MAST2: variants seen among roughly 807,000 people sequenced by gnomAD.
MAST2 encodes the protein microtubule associated serine/threonine kinase 2, also known as microtubule-associated serine/threonine-protein kinase 2.
In MAST2, 70 loss-of-function variants were observed where a neutral mutation model predicts 147.4. The ratio of observed to expected loss-of-function variants is 0.47; its 90% CI spans 0.39 to 0.58. The LOEUF (loss-of-function observed/expected upper bound fraction) is 0.58. Among genes scored for constraint, MAST2 ranks in the 20% least tolerant of loss-of-function variants. MAST2 has a pLI of 0.00. For missense variants in MAST2, 2,080 were observed against 2,302.3 expected (o/e 0.90, Z 1.98); for synonymous variants, 869 against 896.8 (o/e 0.97, Z 0.55).
chr1:45,996,016 C>G (rs140026490), intron 5 of MAST2, among the ~76,000 whole-genome samples: 7 of 151,726 alleles, frequency 4.6e-5, no homozygotes, highest in Non-Finnish European at 1.0e-4. Flanking sequence ...TCTGTATCCC[C>G]TGCTCTCCCC....
chr1:45,819,797 A>G (rs1056342272), intron 1 of MAST2, among the ~76,000 whole-genome samples: 5 of 152,212 alleles, frequency 3.3e-5, no homozygotes, highest in Admixed American at 6.5e-5. Flanking sequence ...AATACAATCC[A>G]TATTCAAAAT....
At chr1:45,988,504 CAG>C (rs1295033231) in intron 5 of MAST2, among the ~76,000 whole-genome samples, 8 of 152,132 alleles carry the variant, frequency 5.3e-5, no homozygotes, top group Non-Finnish European at 7.3e-5. Flanking sequence ...TTTTATGACT[CAG>C]AGTGTGATCT....
At chr1:46,030,517 T>C in intron 21 of MAST2, 90 bp from the exon 22 acceptor site, 3 of 1,460,276 alleles carry the variant, frequency 2.1e-6, no homozygotes, top group Non-Finnish European at 2.7e-6. Context: ...CTGGTTCAAA[T>C]TCCTAGGTTT....
intron 4 of MAST2, among the ~76,000 whole-genome samples, chr1:45,906,987 T>C (rs1650863809): frequency 6.6e-6 from 1 of 152,194 alleles, no homozygotes; most frequent in Admixed American, 6.5e-5. Flanking sequence ...TGCAGTAACA[T>C]GCTATACAGG....
At chr1:45,986,649 G>A (rs941696306) in intron 5 of MAST2, among the ~76,000 whole-genome samples, 2 of 150,364 alleles carry the variant, frequency 1.3e-5, no homozygotes, top group African/African-American at 2.4e-5. Flanking sequence ...CCTGGGAGGC[G>A]GAGCTTGCAG....
chr1:45,947,626 G>C (rs1163509325), intron 4 of MAST2, among the ~76,000 whole-genome samples: 2 of 152,150 alleles, frequency 1.3e-5, no homozygotes, highest in Non-Finnish European at 2.9e-5. Flanking sequence ...AGAAATAAAG[G>C]GTACCCAAAT....
At chr1:45,949,870 A>G (rs1436530223) in intron 4 of MAST2, among the ~76,000 whole-genome samples, 3 of 152,232 alleles carry the variant, frequency 2.0e-5, no homozygotes, top group Non-Finnish European at 2.9e-5. Context: ...CATATATACC[A>G]TGGAATGTTA....
intron 4 of MAST2, among the ~76,000 whole-genome samples, chr1:45,937,805 C>G (rs1334120213): frequency 6.9e-6 from 1 of 144,102 alleles, no homozygotes; most frequent in Non-Finnish European, 1.5e-5. Flanking sequence ...AGCAATTCAA[C>G]GTAAGCGATT....
At chr1:45,957,549 A>T (rs1200179776) in intron 4 of MAST2, among the ~76,000 whole-genome samples, 4 of 152,244 alleles carry the variant, frequency 2.6e-5, no homozygotes, top group South Asian at 4.1e-4. Flanking sequence ...GTAGCCATGA[A>T]CCCCTGGAGT....
intron 5 of MAST2, among the ~76,000 whole-genome samples, chr1:45,992,969 A>G (rs1644907894): frequency 6.6e-6 from 1 of 152,016 alleles, no homozygotes; most frequent in South Asian, 2.1e-4. Context: ...TTTATAGTGT[A>G]TATCTTTAAC....
At chr1:45,998,522 C>A (rs1434196582) in intron 6 of MAST2, among the ~76,000 whole-genome samples, 1 of 152,224 alleles carries the variant, frequency 6.6e-6, no homozygotes, top group Non-Finnish European at 1.5e-5. Flanking sequence ...GCTCTATACA[C>A]ACATGATTTC....
chr1:45,943,266 T>A (rs1657573059), intron 4 of MAST2, among the ~76,000 whole-genome samples: 1 of 152,224 alleles, frequency 6.6e-6, no homozygotes, highest in East Asian at 1.9e-4. Context: ...TTGATTGTCA[T>A]GCTCATCACT....
intron 4 of MAST2, among the ~76,000 whole-genome samples, chr1:45,924,008 A>C (rs1053909809): frequency 1.3e-5 from 2 of 152,080 alleles, no homozygotes; most frequent in Non-Finnish European, 2.9e-5. Context: ...AGTAGCTGGG[A>C]TTACAGACAC....
intron 4 of MAST2, among the ~76,000 whole-genome samples, chr1:45,934,890 G>T (rs946064257): frequency 2.6e-5 from 4 of 152,196 alleles, no homozygotes; most frequent in African/African-American, 9.7e-5. Flanking sequence ...TTGATAGAAC[G>T]ACTTATTTTC....
rs755004933 is a variant in MAST2 at position 46,029,489 on chromosome 1, G to A, written c.2242G>A (p.Asp748Asn). 1.9e-6 allele frequency: 3 copies of A among 1,613,966 alleles called. No homozygotes were observed. The highest frequency in any genetic ancestry group is 2.5e-6 in the Non-Finnish European group (3 of 1,179,978). Residue 748 changes from aspartate to asparagine, a missense_variant, in exon 19 of 29, where the codon GAT becomes AAT. Transcript: ENST00000361297. ...ISDEIVWPEG[D>N]EALPPDAQDL... ...AGATGAGATTGTGTGGCCTGAGGGT[G>A]ATGAGGCACTGCCCCCAGACGCCCA...
intron 28 of MAST2, 32 bp downstream of exon 28, chr1:46,034,298 C>T (rs766791764): frequency 6.3e-7 from 1 of 1,581,262 alleles, no homozygotes. Context: ...TCAGTGACAA[C>T]CCCTGGGAAA....
intron 4 of MAST2, among the ~76,000 whole-genome samples, chr1:45,887,025 A>T (rs770806016): frequency 1.3e-5 from 2 of 152,114 alleles, no homozygotes; most frequent in Middle Eastern, 3.2e-3. Context: ...ATGGGGTTTC[A>T]CTATGTTACT....
intron 6 of MAST2, among the ~76,000 whole-genome samples, chr1:46,001,427 A>G (rs914268238): frequency 6.6e-6 from 1 of 152,228 alleles, no homozygotes; most frequent in Non-Finnish European, 1.5e-5. Flanking sequence ...ACAAAAGTGT[A>G]TTTGACAAGG....
At chr1:45,873,806 GT>G (rs1228518977) in intron 3 of MAST2, among the ~76,000 whole-genome samples, 2 of 151,940 alleles carry the variant, frequency 1.3e-5, no homozygotes, top group Non-Finnish European at 2.9e-5. Context: ...TAGAATAAAG[GT>G]TTTTGTTTGT....
Sources: allele counts gnomAD v4.1 joint callset (sites outside exome capture counted in the v4.1 genomes callset), GRCh38; gene constraint gnomAD v4.1.1; transcripts MANE v1.5; gene names NCBI Gene and HGNC (gene_info 2026-07-23, HGNC 2026-07-21).